Variants in CNTN3 observed in about 807,000 individuals in gnomAD.
CNTN3 encodes contactin 3.
A neutral mutation model predicts 119.1 loss-of-function variants in CNTN3; 60 were observed. That is an observed-to-expected ratio of 0.50 (90% CI 0.41 to 0.62). CNTN3 has a LOEUF of 0.62. Ranked by LOEUF, CNTN3 falls within the 20% of genes least tolerant of loss-of-function variation. The pLI is 0.00. For missense variants in CNTN3, 1,101 were observed against 1,242.4 expected, an observed-to-expected ratio of 0.89 and a Z score of 1.71; for synonymous variants, 450 against 438.7, an observed-to-expected ratio of 1.03 and a Z score of -0.32.
intron 4 of CNTN3, among the ~76,000 whole-genome samples, chr3:74,470,858 C>T (rs1274529535): frequency 7.6e-6 from 1 of 132,178 alleles, no homozygotes; most frequent in African/African-American, 3.0e-5. Context: ...CATGCCAAAA[C>T]ATATTCGGTT....
intron 5 of CNTN3, among the ~76,000 whole-genome samples, chr3:74,403,215 G>A (rs1323395528): frequency 2.0e-5 from 3 of 152,080 alleles, no homozygotes; most frequent in Non-Finnish European, 4.4e-5. Context: ...AATCAAATAG[G>A]GGACTCCTCA....
intron 1 of CNTN3, among the ~76,000 whole-genome samples, chr3:74,611,310 T>C (rs1705078080): frequency 6.6e-6 from 1 of 152,214 alleles, no homozygotes. Context: ...TGCTATAAAG[T>C]TCTGCCAGCA....
At chr3:74,267,761 G>A (rs183730491) in intron 20 of CNTN3, among the ~76,000 whole-genome samples, 1 of 152,104 alleles carries the variant, frequency 6.6e-6, no homozygotes, top group African/African-American at 2.4e-5. Context: ...TCGATGGGGG[G>A]GATAAGGAAA....
intron 20 of CNTN3, among the ~76,000 whole-genome samples, chr3:74,271,991 G>A (rs1701787070): frequency 1.3e-5 from 2 of 152,232 alleles, no homozygotes; most frequent in African/African-American, 2.4e-5. Flanking sequence ...GGTTTTCGAC[G>A]TCTAGGAATT....
intron 13 of CNTN3, among the ~76,000 whole-genome samples, chr3:74,305,818 A>G (rs966369399): frequency 1.3e-5 from 2 of 151,360 alleles, no homozygotes; most frequent in African/African-American, 2.4e-5. Flanking sequence ...GAATTGGGCT[A>G]TCCTCTTATG....
chr3:74,478,798 A>C (rs987803907), intron 4 of CNTN3, among the ~76,000 whole-genome samples: 8 of 152,158 alleles, frequency 5.3e-5, no homozygotes, highest in Non-Finnish European at 1.2e-4. Flanking sequence ...AAACCAACAC[A>C]AAACTAAAAT....
At chr3:74,510,599 A>C (rs1703348165) in intron 2 of CNTN3, among the ~76,000 whole-genome samples, 1 of 152,090 alleles carries the variant, frequency 6.6e-6, no homozygotes, top group South Asian at 2.1e-4. Context: ...AAAACAAAAC[A>C]AAACAAAAAT....
At chr3:74,601,947 G>C (rs1704917785) in intron 1 of CNTN3, among the ~76,000 whole-genome samples, 1 of 152,002 alleles carries the variant, frequency 6.6e-6, no homozygotes, top group Admixed American at 6.6e-5. Context: ...GAGCCAGACA[G>C]TCCTGCAGAT....
chr3:74,344,866 T>TAC, intron 11 of CNTN3, among the ~76,000 whole-genome samples: 1 of 135,426 alleles, frequency 7.4e-6, no homozygotes, highest in African/African-American at 3.7e-5. Flanking sequence ...TATGTATACG[T>TAC]ATACACACAC....
chr3:74,486,263 T>C lies in CNTN3; in HGVS notation c.358+193A>G, dbSNP rs559690448. 2.7e-5 allele frequency among the ~76,000 whole-genome samples: 4 copies of C among 150,028 alleles called. No homozygotes were observed. In the South Asian group the frequency reaches 8.5e-4, roughly 32 times the overall value. On this transcript the variant is annotated intron_variant, in intron 4 of 22. Transcript: ENST00000263665. ...ATGCACACCAGCATACACACAGACATACACACACACACACATTTAAAGCTC... is the reference window on the plus strand; with the variant it reads ...ATGCACACCAGCATACACACAGACACACACACACACACACATTTAAAGCTC...
chr3:74,303,641 C>T (rs1268121680), intron 13 of CNTN3, among the ~76,000 whole-genome samples: 2 of 151,964 alleles, frequency 1.3e-5, no homozygotes, highest in South Asian at 2.1e-4. Flanking sequence ...TGCAGTGAGC[C>T]GAGATCAAGA....
At chr3:74,336,938 G>T (rs945394656) in intron 11 of CNTN3, among the ~76,000 whole-genome samples, 1 of 152,052 alleles carries the variant, frequency 6.6e-6, no homozygotes, top group African/African-American at 2.4e-5. Context: ...AAGTTGAGAG[G>T]ATGCACTTAT....
rs138824124 is a variant in CNTN3, at chr3:74,503,293, G to A, written c.56-3508C>T. On this transcript the variant is annotated intron_variant, in intron 2 of 22. Coordinates refer to ENST00000263665, the MANE Select transcript of CNTN3 (RefSeq NM_020872.3). ...TTCAACTTCAGTATTTCCTGATGGCGCTGGAGTTAATGGCCTATGAGGCAC... is the reference window on the plus strand; with the variant it reads ...TTCAACTTCAGTATTTCCTGATGGCACTGGAGTTAATGGCCTATGAGGCAC... Among the ~76,000 whole-genome samples the A allele has an allele frequency of 3.9e-4, 59 of 152,232 alleles. No homozygotes were observed. The East Asian group carries it at 9.3e-3, about 24-fold the overall frequency.
intron 2 of CNTN3, among the ~76,000 whole-genome samples, chr3:74,515,352 G>A (rs1033974145): frequency 1.3e-5 from 2 of 151,998 alleles, no homozygotes; most frequent in African/African-American, 4.8e-5. Context: ...CAAGCTTCAA[G>A]ACAATGACTG....
chr3:74,557,781 T>G (rs1704093420), intron 1 of CNTN3, among the ~76,000 whole-genome samples: 1 of 151,622 alleles, frequency 6.6e-6, no homozygotes, highest in African/African-American at 2.4e-5. Context: ...GAATGAATAT[T>G]AAAAGACAGA....
intron 22 of CNTN3, 96 bp downstream of exon 22, chr3:74,266,385 G>T: frequency 7.9e-7 from 1 of 1,269,794 alleles, no homozygotes; most frequent in Non-Finnish European, 1.1e-6. Context: ...AAGCCTTGCT[G>T]GAAAGAAAGA....
intron 3 of CNTN3, among the ~76,000 whole-genome samples, chr3:74,495,682 C>A (rs1341458907): frequency 6.6e-6 from 1 of 151,892 alleles, no homozygotes; most frequent in Non-Finnish European, 1.5e-5. Flanking sequence ...ATTTAGTTGA[C>A]TATCAGTAAA....
intron 5 of CNTN3, among the ~76,000 whole-genome samples, chr3:74,410,188 G>T (rs948084702): frequency 6.6e-6 from 1 of 152,070 alleles, no homozygotes; most frequent in Non-Finnish European, 1.5e-5. Flanking sequence ...CTCTTGTACT[G>T]CAGAGAACAG....
chr3:74,608,732 G>T (rs1027467709), intron 1 of CNTN3, among the ~76,000 whole-genome samples: 3 of 152,134 alleles, frequency 2.0e-5, no homozygotes, highest in Non-Finnish European at 4.4e-5. Context: ...CAATTAAAAA[G>T]ATTAGACTTT....
Sources: gnomAD v4.1 joint callset for allele counts (sites outside exome capture counted in the v4.1 genomes callset) on GRCh38, gnomAD v4.1.1 for gene constraint, MANE v1.5 for transcripts, NCBI Gene and HGNC (gene_info 2026-07-23, HGNC 2026-07-21) for gene names.